RBFOX3: variants seen among roughly 807,000 people sequenced by gnomAD.
The protein encoded by RBFOX3 is RNA binding protein fox-1 homolog 3.
RBFOX3 carries 17 observed loss-of-function variants against 48.7 expected under a neutral mutation model. The observed-to-expected ratio is 0.35, with a 90% CI of 0.24 to 0.52. The LOEUF (loss-of-function observed/expected upper bound fraction) is 0.52, where lower values mean the gene tolerates loss of function less well. RBFOX3 is among the 20% of genes least tolerant of loss of function. The pLI is 0.94. For synonymous variants in RBFOX3, 212 were observed against 209.5 expected (o/e 1.01, Z -0.10); for missense variants, 382 against 497.5 (o/e 0.77, Z 2.21).
rs888154374 is a variant in RBFOX3 at position 79,588,870 on chromosome 17, C to T, written c.-320+21956G>A. 8.8e-5 allele frequency among the ~76,000 whole-genome samples: 13 copies of T among 147,462 alleles called. No homozygotes were observed. The South Asian group carries it at 1.8e-3, about 20-fold the overall frequency. The stretch of plus-strand genomic sequence containing the variant: ...CTGAGCTTGGGCCTGGGCCCTATAG[C>T]GAGACCCCATCCTGAGCTTGGACCT... On this transcript the variant is annotated intron_variant, in intron 1 of 14. Coordinates refer to ENST00000693108, the MANE Select transcript of RBFOX3 (RefSeq NM_001350451.2).
intron 1 of RBFOX3, among the ~76,000 whole-genome samples, chr17:79,521,686 C>T (rs1183288084): frequency 6.6e-6 from 1 of 152,042 alleles, no homozygotes; most frequent in Non-Finnish European, 1.5e-5. Context: ...CACAGACACA[C>T]TCATACTCAC....
chr17:79,297,395 G>A (rs1463549043), intron 3 of RBFOX3, among the ~76,000 whole-genome samples: 3 of 152,198 alleles, frequency 2.0e-5, no homozygotes, highest in South Asian at 2.1e-4. Flanking sequence ...TGCACATCCC[G>A]GGCCAGCCCC....
At chr17:79,161,622 G>A (rs1010765461) in intron 4 of RBFOX3, among the ~76,000 whole-genome samples, 1 of 152,096 alleles carries the variant, frequency 6.6e-6, no homozygotes, top group Non-Finnish European at 1.5e-5. Flanking sequence ...TTGAGACAGG[G>A]TCTCACTCTG....
intron 2 of RBFOX3, among the ~76,000 whole-genome samples, chr17:79,458,209 T>TGGGACTGC (rs1316234309): frequency 2.0e-5 from 3 of 152,232 alleles, no homozygotes; most frequent in African/African-American, 7.2e-5. Context: ...TTACCCTTAA[T>TGGGACTGC]GGGACTGCGC....
intron 4 of RBFOX3, among the ~76,000 whole-genome samples, chr17:79,197,238 T>A (rs1417013622): frequency 4.6e-5 from 7 of 152,318 alleles, no homozygotes; most frequent in African/African-American, 1.7e-4. Flanking sequence ...CATGCTGTTT[T>A]CTGTCTGTCT....
intron 2 of RBFOX3, among the ~76,000 whole-genome samples, chr17:79,466,306 A>G (rs1555753689): frequency 6.6e-6 from 1 of 152,172 alleles, no homozygotes; most frequent in African/African-American, 2.4e-5. Context: ...GGTGATCAGG[A>G]AGAGTCCTGG....
Position 79,481,777 on chromosome 17 carries a change from CT to C in RBFOX3, c.-175+676del. Among the ~76,000 whole-genome samples the C allele has an allele frequency of 6.6e-6, 1 of 152,170 alleles. No homozygotes were observed. Among genetic ancestry groups the C allele is most frequent in the East Asian group, 1.9e-4 (1 of 5,202 alleles). The stretch of plus-strand genomic sequence containing the variant: ...TACAACTGTCATTTTTAGTGTAGTG[CT>C]TTTTTGTTGCTGTCGTTCTGTGAAC... On this transcript the variant is annotated intron_variant, in intron 2 of 14. Transcript: ENST00000693108. This position sits in a 1 kb window ranked among gnomAD's most constrained non-coding sequence, Gnocchi z 5.4.
intron 2 of RBFOX3, among the ~76,000 whole-genome samples, chr17:79,323,934 T>C (rs1230074811): frequency 6.6e-6 from 1 of 152,252 alleles, no homozygotes; most frequent in East Asian, 1.9e-4. Context: ...CAGGCTATTT[T>C]GCAAATCTTC....
At chr17:79,379,446 A>G (rs1025510787) in intron 2 of RBFOX3, among the ~76,000 whole-genome samples, 1 of 152,172 alleles carries the variant, frequency 6.6e-6, no homozygotes, top group Admixed American at 6.5e-5. Flanking sequence ...TCGTTCACCT[A>G]AGGGAGACAC....
chr17:79,601,612 T>C (rs2093706651), intron 1 of RBFOX3: 1 of 152,228 alleles, frequency 6.6e-6, no homozygotes, highest in Admixed American at 6.5e-5. Flanking sequence ...GCTGAAATTT[T>C]CCTAGTCTGG....
chr17:79,346,577 C>G (rs771815375), intron 2 of RBFOX3, among the ~76,000 whole-genome samples: 1 of 152,070 alleles, frequency 6.6e-6, no homozygotes, highest in Non-Finnish European at 1.5e-5. Context: ...GGGGTTCTGG[C>G]TAATTTTTGG....
chr17:79,241,505 G>A (rs114838226), intron 3 of RBFOX3, among the ~76,000 whole-genome samples: 2,660 of 152,238 alleles, frequency 0.017, 39 homozygotes, highest in Non-Finnish European at 0.025. Context: ...GGGTTCAGGG[G>A]AGCACAACTA....
chr17:79,267,751 G>C (rs2143424673), intron 3 of RBFOX3, among the ~76,000 whole-genome samples: 1 of 152,288 alleles, frequency 6.6e-6, no homozygotes, highest in East Asian at 1.9e-4. Flanking sequence ...TGGGACCTTG[G>C]CTGACACCAT....
intron 3 of RBFOX3, among the ~76,000 whole-genome samples, chr17:79,259,823 T>C (rs868377690): frequency 6.6e-6 from 1 of 152,118 alleles, no homozygotes; most frequent in African/African-American, 2.4e-5. Flanking sequence ...CCATTCTCAG[T>C]ACTGGGCAGC....
At chr17:79,621,455 G>C in the RBFOX3 span, among the ~76,000 whole-genome samples, 2 of 152,178 alleles carry the variant, frequency 1.3e-5, no homozygotes, top group Non-Finnish European at 2.9e-5. Flanking sequence ...CATTTTCAAG[G>C]TGCAGATATT....
intron 4 of RBFOX3, among the ~76,000 whole-genome samples, chr17:79,231,833 C>T (rs946619687): frequency 2.8e-4 from 43 of 152,122 alleles, no homozygotes; most frequent in Non-Finnish European, 4.9e-4. Context: ...AGTCAGAAGG[C>T]CCAGTATTGT....
At chr17:79,142,087 G>A (rs1008769099) in intron 4 of RBFOX3, among the ~76,000 whole-genome samples, 6 of 152,218 alleles carry the variant, frequency 3.9e-5, no homozygotes, top group Non-Finnish European at 7.3e-5. Context: ...TTGAAACACC[G>A]TCTGGATGAA....
rs1475988973 is a variant in RBFOX3 at position 79,608,052 on chromosome 17, C to T, written c.-320+2774G>A. ...CCCCATGTCCTCAGCAGCCTGAGGG[C>T]GGCCGCCCGCAGCGCCTCCAGCGGC... On this transcript the variant is annotated intron_variant, in intron 1 of 14. Coordinates refer to ENST00000693108, the MANE Select transcript of RBFOX3 (RefSeq NM_001350451.2). Among the ~76,000 whole-genome samples, 3 of 152,200 alleles carry T rather than the reference C, an allele frequency of 2.0e-5. No individual in the cohort carries two copies. The East Asian group carries it at 5.8e-4, about 29-fold the overall frequency.
chr17:79,199,952 G>C lies in RBFOX3; in HGVS notation c.-34+35814C>G, dbSNP rs996023464. Among the ~76,000 whole-genome samples, 1 of 152,130 alleles carries C rather than the reference G, an allele frequency of 6.6e-6. No individual in the cohort carries two copies. Among genetic ancestry groups the C allele is most frequent in the South Asian group, 2.1e-4 (1 of 4,822 alleles). ...GAGGTGGGTGGATCACCTGAAGTCAGGAGTTCAAGACCAGCCTGGCCAACA... is the reference window on the plus strand; with the variant it reads ...GAGGTGGGTGGATCACCTGAAGTCACGAGTTCAAGACCAGCCTGGCCAACA... On this transcript the variant is annotated intron_variant, in intron 4 of 14. Transcript: ENST00000693108. This position sits in a 1 kb window ranked among gnomAD's most constrained non-coding sequence, Gnocchi z 5.1.
Sources: gnomAD v4.1 joint callset for allele counts (sites outside exome capture counted in the v4.1 genomes callset) on GRCh38, gnomAD v4.1.1 for gene constraint, Gnocchi (gnomAD v3.1) non-coding constraint, MANE v1.5 for transcripts, NCBI Gene and HGNC (gene_info 2026-07-23, HGNC 2026-07-21) for gene names.